The following STK36 variants were observed in gnomAD, a reference collection of about 807,000 sequenced individuals.
The protein encoded by STK36 is serine/threonine kinase 36, also known as serine/threonine-protein kinase 36.
Under a neutral mutation model 142.2 loss-of-function variants are expected in STK36, and 116 were observed. The observed-to-expected ratio is 0.82, with a 90% CI of 0.70 to 0.95. The LOEUF (loss-of-function observed/expected upper bound fraction) is 0.95. Ranked by LOEUF, STK36 falls within the 40% of genes least tolerant of loss-of-function variation. The pLI is 0.00. For missense variants in STK36, 1,422 were observed against 1,617.2 expected (o/e 0.88, Z 2.07); for synonymous variants, 619 against 641.7 (o/e 0.96, Z 0.53).
In STK36 at chr2:218,692,528, T is replaced by C. The variant is rs1941046481; in HGVS notation, c.1916-55T>C. The C allele has an allele frequency of 1.1e-5, 18 of 1,567,802 alleles. No individual in the cohort carries two copies. In the South Asian group the frequency reaches 2.0e-4, roughly 18 times the overall value. ...GCCATGTCGGTGAGTACTGGTGCTA[T>C]TGTCTAGGGCAAGAGCCTCAGGCCT... On this transcript the variant is annotated intron_variant, in intron 15 of 26. Coordinates refer to ENST00000295709, the MANE Select transcript of STK36 (RefSeq NM_015690.5).
intron 10 of STK36, among the ~76,000 whole-genome samples, chr2:218,684,215 G>A (rs778990292): frequency 2.7e-5 from 4 of 148,432 alleles, no homozygotes; most frequent in Non-Finnish European, 5.9e-5. Context: ...GGATTCAAGC[G>A]ATTATCCTGC....
At position 218,698,660 on chromosome 2, in the gene STK36, G is replaced by A. The variant is rs757678353; in HGVS notation, c.3116G>A (p.Arg1039His). 2 of 1,614,048 alleles carry A rather than the reference G, an allele frequency of 1.2e-6. No individual in the cohort carries two copies. Among genetic ancestry groups the A allele is most frequent in the Non-Finnish European group, 1.7e-6 (2 of 1,180,020 alleles). ...QVELPISLLT[R>H]LALMDPTSLN... is the part of the protein sequence containing the mutation. The stretch of plus-strand genomic sequence containing the variant: ...GAGCTGCCCATCAGCCTTCTCACAC[G>A]CCTGGCCCTCATGGATCCCACCTCT... The change falls in exon 26 of 27, where the codon CGC becomes CAC. Residue 1039 changes from arginine (R) to histidine (H), a missense_variant. This residue lies in a region of STK36 where 962 missense variants were observed against 1,167.5 expected (regional missense o/e 0.82). Transcript: ENST00000295709.
chr2:218,697,305 T>G (rs1941273226), intron 23 of STK36, 92 bp downstream of exon 23: 8 of 1,527,634 alleles, frequency 5.2e-6, no homozygotes, highest in Admixed American at 4.4e-5. Flanking sequence ...GAGGTTTATT[T>G]TTTTTGCTTT....
rs1470329445 is a variant in STK36 at position 218,679,985 on chromosome 2, T to G, written c.1041T>G (p.Thr347=). The change falls in exon 9 of 27, where the codon ACT becomes ACG. Residue 347 remains threonine, a synonymous_variant. Coordinates refer to ENST00000295709, the MANE Select transcript of STK36 (RefSeq NM_015690.5). The part of the protein sequence containing the change: ...GTAPLPRLGA[T]PQESSLLAGI... ...CCCCTCTGCCCAGACTCGGGGCCAC[T>G]CCTCAGGAATCAAGCCTCCTGGCCG... 1 of 1,614,004 alleles carries G rather than the reference T, an allele frequency of 6.2e-7. No homozygotes were observed. Among genetic ancestry groups the G allele is most frequent in the African/African-American group, 1.3e-5 (1 of 74,906 alleles).
chr2:218,699,245 C>G lies in STK36; in HGVS notation c.3701C>G (p.Pro1234Arg). Residue 1234 changes from proline (P) to arginine (R), a missense_variant, in exon 26 of 27, where the codon CCC (proline) becomes CGC (arginine). Physicochemically the swap from Pro to Arg is moderately radical, Grantham distance 103. Around this residue, in one of 2 missense-constraint regions of STK36, gnomAD observed 962 missense variants for 1,167.5 expected, o/e 0.82. Transcript: ENST00000295709. ...LGEELLQCEV[P>R]QRLLEMACGD... ...GAGGAGCTGTTACAGTGCGAAGTACCCCAGCGGCTCCTAGAAATGGCATGT... is the reference window on the plus strand; with the variant it reads ...GAGGAGCTGTTACAGTGCGAAGTACGCCAGCGGCTCCTAGAAATGGCATGT... 2 of 1,613,918 alleles carry G rather than the reference C, an allele frequency of 1.2e-6. No homozygotes were observed. The highest frequency in any genetic ancestry group is 1.7e-6 in the Non-Finnish European group (2 of 1,180,016).
chr2:218,681,137 T>C (rs1466668904), intron 10 of STK36, among the ~76,000 whole-genome samples: 1 of 152,042 alleles, frequency 6.6e-6, no homozygotes, highest in Non-Finnish European at 1.5e-5. Context: ...TCGTTTTTTT[T>C]TTTTTTTCGA....
chr2:218,675,560 T>G, intron 5 of STK36, 87 bp downstream of exon 5: 1 of 1,482,004 alleles, frequency 6.7e-7, no homozygotes, highest in Non-Finnish European at 9.0e-7. Context: ...GTTTCACTCT[T>G]GTTACCCAGG....
chr2:218,674,032 A>C, intron 4 of STK36, 76 bp downstream of exon 4: 3 of 1,390,218 alleles, frequency 2.2e-6, no homozygotes, highest in Non-Finnish European at 3.0e-6. Flanking sequence ...CAAGCTAAGG[A>C]CACTGAGAGT....
chr2:218,697,084 T>G lies in STK36; in HGVS notation c.2632T>G (p.Trp878Gly). 1 of 1,614,156 alleles carries G rather than the reference T, an allele frequency of 6.2e-7. No homozygotes were observed. The highest frequency in any genetic ancestry group is 8.5e-7 in the Non-Finnish European group (1 of 1,180,024). Residue 878 changes from tryptophan to glycine, a missense_variant, in exon 23 of 27, where the codon TGG becomes GGG. By Grantham distance (184) the Trp-to-Gly change is radical (BLOSUM62 -2). Transcript: ENST00000295709. ...LIRDMSSSEM[W>G]TVLWHRFSMV... ...CAGGGATATGTCCAGTTCAGAAATG[T>G]GGACCGTTTTGTGGCACCGCTTCTC... is the stretch of plus-strand genomic sequence containing the variant.
Position 218,701,926 on chromosome 2 carries a change from C to T in STK36, c.3865C>T (p.Leu1289=). The change falls in exon 27 of 27, where the codon CTG becomes TTG. Residue 1289 remains leucine (L), a synonymous_variant. Coordinates refer to ENST00000295709, the MANE Select transcript of STK36 (RefSeq NM_015690.5). ...CTTGCTCTCTCTGGGGAATCAGTCACTGCCACACAGCAGTCCTAGGCCTGC... is the reference window on the plus strand; with the variant it reads ...CTTGCTCTCTCTGGGGAATCAGTCATTGCCACACAGCAGTCCTAGGCCTGC... ...LSLLSLGNQS[L]PHSSPRPASA... 6.2e-7 allele frequency: 1 copy of T among 1,614,218 alleles called. No individual in the cohort carries two copies. The highest frequency in any genetic ancestry group is 8.5e-7 in the Non-Finnish European group (1 of 1,180,038).
chr2:218,692,483 T>G, intron 15 of STK36, 100 bp from the exon 16 acceptor site: 4 of 1,520,560 alleles, frequency 2.6e-6, no homozygotes, highest in Non-Finnish European at 3.5e-6. Context: ...TCCCACTCCC[T>G]TAGGTTCCCT....
Position 218,692,643 on chromosome 2 carries a change from C to A in STK36, c.1976C>A (p.Ser659Tyr), listed in dbSNP as rs1941053365. 2 of 1,613,842 alleles carry A rather than the reference C, an allele frequency of 1.2e-6. No individual in the cohort carries two copies. Among genetic ancestry groups the A allele is most frequent in the Admixed American group, 1.7e-5 (1 of 60,036 alleles). Residue 659 changes from serine to tyrosine, a missense_variant, in exon 16 of 27, where the codon TCC becomes TAC. By Grantham distance (144) the Ser-to-Tyr change is moderately radical. This residue lies in a region of STK36 where 962 missense variants were observed against 1,167.5 expected (regional missense o/e 0.82). Coordinates refer to ENST00000295709, the MANE Select transcript of STK36 (RefSeq NM_015690.5). ...AGTGAGGATATACCTGGAGCCATTTCCTCTGCCCTGGCAGCCATATGCACT... is the reference window on the plus strand; with the variant it reads ...AGTGAGGATATACCTGGAGCCATTTACTCTGCCCTGGCAGCCATATGCACT... ...EQSEDIPGAI[S>Y]SALAAICTAP...
chr2:218,681,723 C>T (rs548670200), intron 10 of STK36, among the ~76,000 whole-genome samples: 1 of 152,282 alleles, frequency 6.6e-6, no homozygotes, highest in Non-Finnish European at 1.5e-5. Context: ...GCAGTGTCCT[C>T]ACTTTGCAGA....
intron 3 of STK36, 35 bp from the exon 4 acceptor site, chr2:218,673,844 C>G: frequency 1.9e-6 from 3 of 1,614,168 alleles, no homozygotes; most frequent in Non-Finnish European, 1.7e-6. Context: ...ATGCATGAAT[C>G]TGGAGCCATC....
chr2:218,690,495 G>A lies in STK36; in HGVS notation c.1704G>A (p.Leu568=). ...CTGCCAACCTTTTTCTGGACCTGTT[G>A]GGGAAACTGCTGGCCCAACCAGATG... is the stretch of plus-strand genomic sequence containing the variant. ...QEAANLFLDL[L]GKLLAQPDDS... The change falls in exon 14 of 27, where the codon TTG becomes TTA. Residue 568 remains leucine, a synonymous_variant. Transcript: ENST00000295709. The A allele has an allele frequency of 6.2e-7, 1 of 1,614,132 alleles. No individual in the cohort carries two copies. The highest frequency in any genetic ancestry group is 2.2e-5 in the East Asian group (1 of 44,884).
intron 15 of STK36, 118 bp from the exon 16 acceptor site, chr2:218,692,465 T>C: frequency 1.3e-6 from 2 of 1,501,372 alleles, no homozygotes; most frequent in Non-Finnish European, 1.8e-6. Context: ...GACCTCATCC[T>C]GCATTCTTCC....
At position 218,680,028 on chromosome 2, in the gene STK36, T is replaced by G; in HGVS notation, c.1084T>G (p.Leu362Val). Residue 362 changes from leucine (L) to valine (V), a missense_variant, in exon 9 of 27, where the codon TTG becomes GTG. Coordinates refer to ENST00000295709, the MANE Select transcript of STK36 (RefSeq NM_015690.5). ...SLLAGILASE[L>V]KSSWAKSGTG... Reference sequence around the variant, plus strand: ...CCTGGCCGGGATCTTAGCCTCAGAATTGAAGAGCAGCTGGGCTAAATCAGG... The same window carrying G: ...CCTGGCCGGGATCTTAGCCTCAGAAGTGAAGAGCAGCTGGGCTAAATCAGG... 6.2e-7 allele frequency: 1 copy of G among 1,614,190 alleles called. No individual in the cohort carries two copies. The highest frequency in any genetic ancestry group is 8.5e-7 in the Non-Finnish European group (1 of 1,180,030).
In STK36 at chr2:218,699,048, G is replaced by A; in HGVS notation, c.3504G>A (p.Val1168=). 1 of 1,614,152 alleles carries A rather than the reference G, an allele frequency of 6.2e-7. No individual in the cohort carries two copies. Among genetic ancestry groups the A allele is most frequent in the Non-Finnish European group, 8.5e-7 (1 of 1,180,040 alleles). The change falls in exon 26 of 27, where the codon GTG becomes GTA. Residue 1168 remains valine, a synonymous_variant. Coordinates refer to ENST00000295709, the MANE Select transcript of STK36 (RefSeq NM_015690.5). ...LLGLGDKDPV[V]RCSASFAVGN... is the part of the protein sequence containing the mutation. The stretch of plus-strand genomic sequence containing the variant: ...GGCTTGGAGACAAGGATCCTGTTGT[G>A]CGGTGCAGTGCCAGCTTTGCTGTGG...
At position 218,692,608 on chromosome 2, in the gene STK36, G is replaced by A. The variant is rs768879292; in HGVS notation, c.1941G>A (p.Leu647=). 6.2e-7 allele frequency: 1 copy of A among 1,613,442 alleles called. No homozygotes were observed. The highest frequency in any genetic ancestry group is 1.1e-5 in the South Asian group (1 of 91,046). The change falls in exon 16 of 27, where the codon CTG becomes CTA. Residue 647 remains leucine (L), a synonymous_variant. Transcript: ENST00000295709. ...PQGAPQVSQP[L]REQSEDIPGA... is the part of the protein sequence containing the mutation. ...GAGCCCCGCAAGTGAGCCAGCCACT[G>A]CGAGAGCAGAGTGAGGATATACCTG... is the stretch of plus-strand genomic sequence containing the variant.
Sources: gnomAD v4.1 joint callset for allele counts (sites outside exome capture counted in the v4.1 genomes callset) on GRCh38, gnomAD v4.1.1 for gene constraint, gnomAD v4.1.1 regional missense constraint, MANE v1.5 for transcripts, NCBI Gene and HGNC (gene_info 2026-07-23, HGNC 2026-07-21) for gene names.